FMNL2: variants seen among roughly 807,000 people sequenced by gnomAD.
The protein encoded by FMNL2 is formin like 2, also known as formin-like protein 2.
In FMNL2, 51 loss-of-function variants were observed where a neutral mutation model predicts 130.2. That is an observed-to-expected ratio of 0.39 (90% CI 0.31 to 0.49). The LOEUF is 0.49. FMNL2 is among the 20% of genes least tolerant of loss of function. FMNL2 has a pLI of 0.85. For missense variants in FMNL2, 977 were observed against 1,316.2 expected, an observed-to-expected ratio of 0.74 and a Z score of 3.99; for synonymous variants, 465 against 467.1, an observed-to-expected ratio of 1.00 and a Z score of 0.06.
intron 1 of FMNL2, among the ~76,000 whole-genome samples, chr2:152,376,537 G>A (rs960931029): frequency 6.6e-6 from 1 of 152,178 alleles, no homozygotes; most frequent in Non-Finnish European, 1.5e-5. Flanking sequence ...TTTGAGCCAG[G>A]GATGTCTCAG....
intron 6 of FMNL2, among the ~76,000 whole-genome samples, chr2:152,574,826 AGATGTAGATTAAGAAGAT>A (rs1386517620): frequency 1.3e-5 from 2 of 152,214 alleles, no homozygotes; most frequent in Non-Finnish European, 2.9e-5. Flanking sequence ...GAAGAACTTC[AGATGTAGATTAAGAAGAT>A]GATATATGCT....
At chr2:152,454,718 C>T (rs1416705788) in intron 1 of FMNL2, among the ~76,000 whole-genome samples, 1 of 152,140 alleles carries the variant, frequency 6.6e-6, no homozygotes, top group Non-Finnish European at 1.5e-5. Context: ...AGGCCTAGTT[C>T]TTCAAGGACT....
At chr2:152,519,463 C>T (rs551720907) in intron 1 of FMNL2, among the ~76,000 whole-genome samples, 29 of 152,314 alleles carry the variant, frequency 1.9e-4, no homozygotes, top group Admixed American at 3.3e-4. Context: ...TTGCAGAAAA[C>T]GACAGAGCCT....
At chr2:152,389,982 G>T (rs1466781007) in intron 1 of FMNL2, 6 of 1,435,362 alleles carry the variant, frequency 4.2e-6, no homozygotes, top group Non-Finnish European at 3.9e-6. Flanking sequence ...AGGCAGACAG[G>T]CAGAGAGGCT....
chr2:152,356,084 A>C (rs1310572603), intron 1 of FMNL2, among the ~76,000 whole-genome samples: 3 of 152,124 alleles, frequency 2.0e-5, no homozygotes, highest in African/African-American at 7.2e-5. Context: ...ATCTTTATAC[A>C]TTTGATTTGA....
intron 1 of FMNL2, among the ~76,000 whole-genome samples, chr2:152,361,922 A>G (rs1197041365): frequency 2.0e-5 from 3 of 152,226 alleles, no homozygotes; most frequent in African/African-American, 7.2e-5. Context: ...GTTACACTCA[A>G]TGCCAACCAT....
chr2:152,389,127 AAC>A, intron 1 of FMNL2, among the ~76,000 whole-genome samples: 1 of 152,070 alleles, frequency 6.6e-6, no homozygotes, highest in African/African-American at 2.4e-5. Flanking sequence ...TATAAAGCCT[AAC>A]ACAGTGTTAG....
chr2:152,453,782 G>T (rs1281404154), intron 1 of FMNL2, among the ~76,000 whole-genome samples: 1 of 152,222 alleles, frequency 6.6e-6, no homozygotes, highest in Non-Finnish European at 1.5e-5. Flanking sequence ...TGAAAAGGGA[G>T]ATTGTGTATA....
intron 1 of FMNL2, among the ~76,000 whole-genome samples, chr2:152,434,095 A>G (rs1687625953): frequency 6.6e-6 from 1 of 152,184 alleles, no homozygotes; most frequent in Admixed American, 6.5e-5. Flanking sequence ...ATTTAACTGT[A>G]ATTATTCCAT....
chr2:152,344,662 T>A (rs1682012457), intron 1 of FMNL2, among the ~76,000 whole-genome samples: 1 of 152,214 alleles, frequency 6.6e-6, no homozygotes, highest in Non-Finnish European at 1.5e-5. Context: ...GACCCAGAAG[T>A]ATACTTCTGG....
chr2:152,361,942 T>TA (rs1305686240), intron 1 of FMNL2, among the ~76,000 whole-genome samples: 1 of 152,240 alleles, frequency 6.6e-6, no homozygotes, highest in Non-Finnish European at 1.5e-5. Flanking sequence ...TACCTATAAA[T>TA]ACTTTTTTTC....
chr2:152,647,924 T>A lies in FMNL2; in HGVS notation c.*19T>A, dbSNP rs1683758813. On this transcript the variant is annotated 3_prime_UTR_variant, in exon 26 of 26. Transcript: ENST00000288670. ...AATGTGAACCTGAGACTGGCCTGCA[T>A]GAATACAGGGTGTGCGTGAATGAAA... The A allele has an allele frequency of 1.9e-6, 3 of 1,597,850 alleles. No individual in the cohort carries two copies. The African/African-American group carries it at 4.0e-5, about 21-fold the overall frequency.
At chr2:152,483,529 C>T (rs906551931) in intron 1 of FMNL2, among the ~76,000 whole-genome samples, 4 of 152,178 alleles carry the variant, frequency 2.6e-5, no homozygotes, top group Admixed American at 2.6e-4. Context: ...GATGGAAACT[C>T]GGAACTCTTC....
Position 152,619,694 on chromosome 2 carries a change from G to A in FMNL2, c.1813G>A (p.Val605Met), listed in dbSNP as rs1315957994. The A allele has an allele frequency of 1.2e-6, 2 of 1,612,098 alleles. No homozygotes were observed. Among genetic ancestry groups the A allele is most frequent in the South Asian group, 1.1e-5 (1 of 90,260 alleles). The change falls in exon 15 of 26, where the codon GTG (valine) becomes ATG (methionine). Residue 605 changes from valine (V) to methionine (M), a missense_variant. By Grantham distance (21) the Val-to-Met change is conservative (BLOSUM62 1). Coordinates refer to ENST00000288670, the MANE Select transcript of FMNL2 (RefSeq NM_052905.4). ...GCTGCCTGGAACATCTTCACCCACA[G>A]TGGTTTTCAACTCAGGATTAGCAGG... ...PPLPGTSSPT[V>M]VFNSGLAAVK...
At position 152,648,532 on chromosome 2, in the gene FMNL2, T is replaced by C. The variant is rs1683812276; in HGVS notation, c.*627T>C. ...TGTGAGAGGCATTCACTAGTATGAA[T>C]GTGGGGATATAGTGTATAAGACTTA... On this transcript the variant is annotated 3_prime_UTR_variant, in exon 26 of 26. Transcript: ENST00000288670. The C allele has an allele frequency of 6.5e-6, 1 of 153,074 alleles. No homozygotes were observed. Among genetic ancestry groups the C allele is most frequent in the Non-Finnish European group, 1.5e-5 (1 of 68,460 alleles). 9.5% of individuals were successfully genotyped at this position (153,074 alleles called of 1,614,324 possible). A position where few individuals can be genotyped will look rare whatever the true frequency, so the allele number is the denominator to read the frequency against.
chr2:152,358,127 T>C (rs1377959148), intron 1 of FMNL2, among the ~76,000 whole-genome samples: 1 of 152,102 alleles, frequency 6.6e-6, no homozygotes, highest in Non-Finnish European at 1.5e-5. Context: ...ATCTTTCTCT[T>C]GTGCCCAATG....
intron 17 of FMNL2, 67 bp from the exon 18 acceptor site, chr2:152,628,232 G>A (rs1209409699): frequency 8.2e-6 from 11 of 1,344,616 alleles, no homozygotes; most frequent in East Asian, 2.3e-5. Context: ...CTGAAAAGAT[G>A]GATGAACTTG....
intron 10 of FMNL2, chr2:152,607,802 C>T (rs941391833): frequency 6.2e-6 from 1 of 160,614 alleles, no homozygotes; most frequent in African/African-American, 2.4e-5. Context: ...TGCCCTTCTC[C>T]AGACTATATT....
chr2:152,577,459 T>G (rs1179237135), intron 7 of FMNL2, among the ~76,000 whole-genome samples: 1 of 151,948 alleles, frequency 6.6e-6, no homozygotes, highest in Non-Finnish European at 1.5e-5. Flanking sequence ...TAGGCTGGAG[T>G]TAGACATTTG....
Sources: allele counts gnomAD v4.1 joint callset (sites outside exome capture counted in the v4.1 genomes callset), GRCh38; gene constraint gnomAD v4.1.1; transcripts MANE v1.5; gene names NCBI Gene and HGNC (gene_info 2026-07-23, HGNC 2026-07-21).